LARP4: variants seen among roughly 807,000 people sequenced by gnomAD.
The protein encoded by LARP4 is la-related protein 4.
Under a neutral mutation model 92.9 loss-of-function variants are expected in LARP4, and 29 were observed. The observed-to-expected ratio is 0.31, with a 90% CI of 0.23 to 0.43. LARP4 has a LOEUF of 0.43. Among genes scored for constraint, LARP4 ranks in the 20% least tolerant of loss-of-function variants. The pLI is 1.00. For missense variants in LARP4, 732 were observed against 860.0 expected, an observed-to-expected ratio of 0.85 and a Z score of 1.86; for synonymous variants, 279 against 284.1, an observed-to-expected ratio of 0.98 and a Z score of 0.18.
At chr12:50,437,114 A>C (rs1038254374) in intron 5 of LARP4, among the ~76,000 whole-genome samples, 2 of 152,166 alleles carry the variant, frequency 1.3e-5, no homozygotes, top group South Asian at 4.1e-4. Context: ...TTACCTGTTC[A>C]TGGAGATCTG....
intron 1 of LARP4, among the ~76,000 whole-genome samples, chr12:50,427,221 A>C (rs1249857489): frequency 2.6e-5 from 4 of 152,198 alleles, no homozygotes; most frequent in African/African-American, 9.7e-5. Flanking sequence ...GATGGCAATA[A>C]AATTTTATAA....
chr12:50,453,819 G>A (rs1593271566), intron 9 of LARP4, 147 bp downstream of exon 9: 1 of 593,900 alleles, frequency 1.7e-6, no homozygotes, highest in Non-Finnish European at 2.8e-6. Flanking sequence ...TTTTCGTAGA[G>A]ATGGAATTTT....
intron 4 of LARP4, among the ~76,000 whole-genome samples, chr12:50,430,891 A>G (rs1203984020): frequency 6.6e-6 from 1 of 151,818 alleles, no homozygotes; most frequent in Non-Finnish European, 1.5e-5. Context: ...CAAACATGCA[A>G]CCTCATGTGA....
chr12:50,474,952 T>C (rs1957387427), intron 15 of LARP4, among the ~76,000 whole-genome samples: 1 of 152,238 alleles, frequency 6.6e-6, no homozygotes, highest in Admixed American at 6.5e-5. Flanking sequence ...TAAAAATAGA[T>C]TTAGAAGACT....
At chr12:50,471,669 C>T (rs752866764) in intron 13 of LARP4, among the ~76,000 whole-genome samples, 12 of 152,126 alleles carry the variant, frequency 7.9e-5, no homozygotes, top group African/African-American at 2.4e-4. Context: ...TACAGGCGCG[C>T]GCCACCATGC....
intron 10 of LARP4, among the ~76,000 whole-genome samples, chr12:50,455,694 G>A (rs1023443898): frequency 7.2e-5 from 11 of 152,114 alleles, no homozygotes; most frequent in African/African-American, 2.7e-4. Context: ...GAAACATTGT[G>A]TACTACTCTT....
Position 50,401,119 on chromosome 12 carries a change from C to A in LARP4, c.18+91C>A, listed in dbSNP as rs371437362. 2.1e-6 allele frequency: 3 copies of A among 1,460,776 alleles called. No individual in the cohort carries two copies. The African/African-American group carries it at 4.2e-5, about 20-fold the overall frequency. The allele number at this position is 1,460,776 out of a possible 1,614,324, so 90.5% of individuals were successfully genotyped here. ...CCCACCGCCATGTGACTTTCCGGGC[C>A]GTACACGCCGCGGAACCGGCAGATA... On this transcript the variant is annotated intron_variant, in intron 1 of 15. Coordinates refer to ENST00000398473, the MANE Select transcript of LARP4 (RefSeq NM_052879.5).
Position 50,475,921 on chromosome 12 carries a change from C to A in LARP4, c.*57C>A. On this transcript the variant is annotated 3_prime_UTR_variant, in exon 16 of 16. Transcript: ENST00000398473. ...TCTTCCCATTAAACTTGAACTGTGGCTATATTGAACTGTTTTGGAGGGGAG... is the reference window on the plus strand; with the variant it reads ...TCTTCCCATTAAACTTGAACTGTGGATATATTGAACTGTTTTGGAGGGGAG... 2 of 1,438,250 alleles carry A rather than the reference C, an allele frequency of 1.4e-6. No individual in the cohort carries two copies. Among genetic ancestry groups the A allele is most frequent in the Non-Finnish European group, 9.6e-7 (1 of 1,041,306 alleles). 89.1% of individuals were successfully genotyped at this position (1,438,250 alleles called of 1,614,324 possible). A position where few individuals can be genotyped will look rare whatever the true frequency, so the allele number is the denominator to read the frequency against.
Position 50,436,116 on chromosome 12 carries a change from G to GTA in LARP4, c.535+493_535+494insAT, listed in dbSNP as rs1199835115. ...GTATCCCGCTGGTGTGTGTGTGTGT[G>GTA]TGTGATATGTGTGTGTGTGTGTGTA... On this transcript the variant is annotated intron_variant, in intron 5 of 15. Coordinates refer to ENST00000398473, the MANE Select transcript of LARP4 (RefSeq NM_052879.5). 7.1e-5 allele frequency among the ~76,000 whole-genome samples: 10 copies of GTA among 141,538 alleles called. 1 individual carries two copies. The highest frequency in any genetic ancestry group is 6.1e-5 in the Non-Finnish European group (4 of 65,848). 92.9% of individuals were successfully genotyped at this position (141,538 alleles called of 152,430 possible).
intron 8 of LARP4, among the ~76,000 whole-genome samples, chr12:50,452,942 C>T (rs1953506804): frequency 6.6e-6 from 1 of 151,702 alleles, no homozygotes; most frequent in Non-Finnish European, 1.5e-5. Flanking sequence ...CAGGGTCTCG[C>T]TCTGTTGCCC....
At chr12:50,463,367 T>G (rs1032601244) in intron 12 of LARP4, among the ~76,000 whole-genome samples, 2 of 143,838 alleles carry the variant, frequency 1.4e-5, no homozygotes, top group African/African-American at 2.7e-5. Context: ...ACGGATCACT[T>G]GAGCTCAGGA....
chr12:50,467,738 A>G (rs1048397385), intron 13 of LARP4, among the ~76,000 whole-genome samples: 1 of 152,220 alleles, frequency 6.6e-6, no homozygotes, highest in African/African-American at 2.4e-5. Flanking sequence ...AACAATGGAA[A>G]GTAGATGTCT....
chr12:50,408,326 G>A (rs1045560175), intron 1 of LARP4, among the ~76,000 whole-genome samples: 1 of 150,014 alleles, frequency 6.7e-6, no homozygotes, highest in Admixed American at 6.8e-5. Context: ...GCCTTCCTGA[G>A]TAGCTGGGAT....
At chr12:50,434,863 T>C (rs1221898533) in intron 4 of LARP4, among the ~76,000 whole-genome samples, 3 of 151,700 alleles carry the variant, frequency 2.0e-5, no homozygotes, top group Non-Finnish European at 4.4e-5. Flanking sequence ...GCTAACACGG[T>C]GAAACCCCGT....
At chr12:50,452,754 C>T (rs1233768926) in intron 8 of LARP4, among the ~76,000 whole-genome samples, 3 of 152,068 alleles carry the variant, frequency 2.0e-5, no homozygotes, top group East Asian at 3.8e-4. Context: ...GTTTAAGAGC[C>T]GTTTGCCTTT....
At chr12:50,413,481 CTT>C (rs1389630093) in intron 1 of LARP4, among the ~76,000 whole-genome samples, 4 of 152,160 alleles carry the variant, frequency 2.6e-5, no homozygotes, top group South Asian at 4.2e-4. Context: ...TTTTTCAAAA[CTT>C]TTTAAAGATA....
chr12:50,421,158 C>T lies in LARP4; in HGVS notation c.19-6604C>T, dbSNP rs549937527. 7.2e-5 allele frequency: 17 copies of T among 236,674 alleles called. No homozygotes were observed. In the East Asian group the frequency reaches 3.1e-3, roughly 44 times the overall value. The allele number at this position is 236,674 out of a possible 1,614,324, so 14.7% of individuals were successfully genotyped here. On this transcript the variant is annotated intron_variant, in intron 1 of 15. Transcript: ENST00000398473. ...TAGAGACGGTTTCGCTGTATGTTGG[C>T]TAGGCTGGTCTCGAACTCCTGACCT...
At chr12:50,404,414 A>G (rs1307547348) in intron 1 of LARP4, among the ~76,000 whole-genome samples, 4 of 152,012 alleles carry the variant, frequency 2.6e-5, no homozygotes, top group Non-Finnish European at 2.9e-5. Flanking sequence ...CTTGGGCCCA[A>G]TGTGGTGGCA....
intron 1 of LARP4, among the ~76,000 whole-genome samples, chr12:50,427,243 A>G (rs1948936022): frequency 6.6e-6 from 1 of 152,220 alleles, no homozygotes; most frequent in African/African-American, 2.4e-5. Flanking sequence ...ATTCTGGAAA[A>G]TTACTGTAGA....
Sources: gnomAD v4.1 joint callset for allele counts (sites outside exome capture counted in the v4.1 genomes callset) on GRCh38, gnomAD v4.1.1 for gene constraint, MANE v1.5 for transcripts, NCBI Gene and HGNC (gene_info 2026-07-23, HGNC 2026-07-21) for gene names.